Variants in FBXL17 observed in about 807,000 individuals in gnomAD.
FBXL17 encodes the protein F-box/LRR-repeat protein 17.
Under a neutral mutation model 66.2 loss-of-function variants are expected in FBXL17, and 22 were observed. The ratio of observed to expected loss-of-function variants is 0.33; its 90% confidence interval spans 0.24 to 0.47. FBXL17 has a LOEUF of 0.47. Ranked by LOEUF, FBXL17 falls within the 20% of genes least tolerant of loss-of-function variation. The probability of loss-of-function intolerance (pLI) is 1.00; values close to 1 mark genes in which losing one functional copy is unlikely to be tolerated. For missense variants in FBXL17, 878 were observed against 948.2 expected (o/e 0.93, Z 0.97); for synonymous variants, 474 against 400.5 (o/e 1.18, Z -2.19).
At chr5:108,220,423 C>G (rs1754809587) in intron 5 of FBXL17, among the ~76,000 whole-genome samples, 1 of 152,138 alleles carries the variant, frequency 6.6e-6, no homozygotes, top group Non-Finnish European at 1.5e-5. Context: ...CTGCCTGTTT[C>G]CCGTATCATA....
chr5:107,915,348 A>G (rs1750090109), intron 7 of FBXL17, among the ~76,000 whole-genome samples: 1 of 152,216 alleles, frequency 6.6e-6, no homozygotes, highest in Non-Finnish European at 1.5e-5. Flanking sequence ...TTTGTATTCA[A>G]TGCCAACAAT....
chr5:108,381,823 C>T lies in FBXL17; in HGVS notation c.-132G>A. 1 of 1,305,246 alleles carries T rather than the reference C, an allele frequency of 7.7e-7. No homozygotes were observed. The highest frequency in any genetic ancestry group is 9.7e-7 in the Non-Finnish European group (1 of 1,027,808). The allele number at this position is 1,305,246 out of a possible 1,614,324, so 80.9% of individuals were successfully genotyped here. On this transcript the variant is annotated 5_prime_UTR_variant, in exon 1 of 9. It adds an upstream start codon to the 5' untranslated region. Coordinates refer to ENST00000542267, the MANE Select transcript of FBXL17 (RefSeq NM_001163315.3). ...CGCCCTTCCTGCGCACACACACGCA[C>T]ACACGGGCACACACGCGACGGTGGG...
chr5:108,123,116 T>C (rs75735924), intron 6 of FBXL17, among the ~76,000 whole-genome samples: 3,286 of 151,162 alleles, frequency 0.022, 126 homozygotes, highest in African/African-American at 0.076. Flanking sequence ...TTTTTCTTGT[T>C]GTGTGATGGT....
At chr5:108,298,723 C>T (rs1438392177) in intron 4 of FBXL17, 2 of 764,378 alleles carry the variant, frequency 2.6e-6, no homozygotes, top group Non-Finnish European at 3.2e-6. Context: ...CTTATAATTC[C>T]TAATTCAATT....
intron 4 of FBXL17, chr5:108,298,711 G>T: frequency 1.3e-6 from 1 of 764,022 alleles, no homozygotes; most frequent in Non-Finnish European, 1.6e-6. Flanking sequence ...AAGTATCAAA[G>T]TCTTATAATT....
intron 7 of FBXL17, among the ~76,000 whole-genome samples, chr5:107,925,815 A>C (rs1750506943): frequency 6.6e-6 from 1 of 152,154 alleles, no homozygotes. Flanking sequence ...CATACATTCA[A>C]ATCCTTGCCT....
At chr5:108,274,388 G>T (rs1757400259) in intron 4 of FBXL17, among the ~76,000 whole-genome samples, 1 of 152,186 alleles carries the variant, frequency 6.6e-6, no homozygotes, top group Non-Finnish European at 1.5e-5. Flanking sequence ...ATTTGCTTTT[G>T]AAAGAAGAGA....
intron 4 of FBXL17, among the ~76,000 whole-genome samples, chr5:108,249,011 A>G (rs1756232141): frequency 6.6e-6 from 1 of 152,182 alleles, no homozygotes; most frequent in Admixed American, 6.5e-5. Flanking sequence ...CAGGAGAAGT[A>G]AAAATATGGA....
chr5:108,013,959 T>C (rs1754280605), intron 7 of FBXL17, among the ~76,000 whole-genome samples: 1 of 152,208 alleles, frequency 6.6e-6, no homozygotes. Context: ...ATCTTGGTAT[T>C]CATTCCAGCT....
chr5:108,219,645 T>A (rs1184516277), intron 5 of FBXL17, among the ~76,000 whole-genome samples: 1 of 152,078 alleles, frequency 6.6e-6, no homozygotes, highest in African/African-American at 2.4e-5. Context: ...CAAGATCCCA[T>A]TACACTCCAG....
intron 3 of FBXL17, among the ~76,000 whole-genome samples, chr5:108,361,556 T>C (rs1276513013): frequency 1.3e-5 from 2 of 152,050 alleles, no homozygotes; most frequent in African/African-American, 4.8e-5. Flanking sequence ...CAAAATTCCC[T>C]TCTATACACT....
At chr5:107,982,130 T>C (rs1330894764) in intron 7 of FBXL17, among the ~76,000 whole-genome samples, 1 of 152,150 alleles carries the variant, frequency 6.6e-6, no homozygotes, top group African/African-American at 2.4e-5. Flanking sequence ...AGATGAATAT[T>C]AAGCACAAAG....
At chr5:108,110,316 T>C (rs1749979804) in intron 6 of FBXL17, among the ~76,000 whole-genome samples, 1 of 152,212 alleles carries the variant, frequency 6.6e-6, no homozygotes, top group Non-Finnish European at 1.5e-5. Context: ...TTTATTTATA[T>C]TAACAACTGA....
chr5:108,006,246 G>A (rs1274493530), intron 7 of FBXL17, among the ~76,000 whole-genome samples: 1 of 152,212 alleles, frequency 6.6e-6, no homozygotes, highest in African/African-American at 2.4e-5. Flanking sequence ...TCAAAAAATT[G>A]TAGAATGTTC....
At chr5:107,953,124 C>T (rs1023550896) in intron 7 of FBXL17, among the ~76,000 whole-genome samples, 16 of 151,920 alleles carry the variant, frequency 1.1e-4, no homozygotes, top group South Asian at 2.1e-4. Context: ...AGATGTAGGC[C>T]GGGCGCTGTG....
chr5:107,892,424 G>A (rs1749226684), intron 7 of FBXL17, among the ~76,000 whole-genome samples: 1 of 151,814 alleles, frequency 6.6e-6, no homozygotes, highest in African/African-American at 2.4e-5. Flanking sequence ...GGAGATTACA[G>A]GTAATACATA....
At chr5:108,168,256 C>A (rs1029645255) in intron 6 of FBXL17, among the ~76,000 whole-genome samples, 1 of 152,048 alleles carries the variant, frequency 6.6e-6, no homozygotes, top group Admixed American at 6.6e-5. Context: ...AGTCAAACAA[C>A]CCAGTTGAAT....
chr5:108,083,186 TC>T (rs1469719468), intron 6 of FBXL17, among the ~76,000 whole-genome samples: 1 of 147,946 alleles, frequency 6.8e-6, no homozygotes, highest in Non-Finnish European at 1.5e-5. Context: ...AAACAATCCA[TC>T]TCCATGGCTT....
chr5:108,192,842 A>C (rs1753523574), intron 5 of FBXL17, among the ~76,000 whole-genome samples: 1 of 152,086 alleles, frequency 6.6e-6, no homozygotes, highest in Admixed American at 6.6e-5. Flanking sequence ...AATGGCTTCC[A>C]AATTTTCTTA....
Sources: allele counts gnomAD v4.1 joint callset (sites outside exome capture counted in the v4.1 genomes callset), GRCh38; gene constraint gnomAD v4.1.1; transcripts MANE v1.5; gene names NCBI Gene and HGNC (gene_info 2026-07-23, HGNC 2026-07-21).